The following KRT8 variants were observed in gnomAD, a reference collection of about 807,000 sequenced individuals.
The protein encoded by KRT8 is keratin, type II cytoskeletal 8.
KRT8 carries 24 observed loss-of-function variants against 43.0 expected under a neutral mutation model. The observed-to-expected ratio is 0.56, with a 90% confidence interval of 0.40 to 0.78. The LOEUF is 0.78. KRT8 is among the 30% of genes least tolerant of loss of function. KRT8 has a pLI of 0.00. For missense variants in KRT8, 492 were observed against 638.4 expected (o/e 0.77, Z 2.47); for synonymous variants, 214 against 261.2 (o/e 0.82, Z 1.74).
At chr12:52,918,006 G>A (rs1941779628) in intron 2 of KRT8, among the ~76,000 whole-genome samples, 1 of 119,328 alleles carries the variant, frequency 8.4e-6, no homozygotes, top group African/African-American at 3.2e-5. Context: ...GGAAGGAGAG[G>A]AAGAAGAAGG....
At chr12:52,924,651 A>ATTGTAAAGATAATTGTAAT (rs1244451717) in intron 2 of KRT8, among the ~76,000 whole-genome samples, 1 of 151,658 alleles carries the variant, frequency 6.6e-6, no homozygotes, top group South Asian at 2.1e-4. Context: ...TGTAAAGATA[A>ATTGTAAAGATAATTGTAAT]TTGTAAAGAT....
At chr12:52,904,573 TG>T (rs1443995738) in intron 1 of KRT8, 84 bp downstream of exon 1, 6 of 1,297,410 alleles carry the variant, frequency 4.6e-6, no homozygotes, top group East Asian at 2.3e-5. Context: ...GGACGCCAGC[TG>T]GGGGCTGGAG....
At chr12:52,926,440 C>A in intron 2 of KRT8, 1 of 1,535,326 alleles carries the variant, frequency 6.5e-7, no homozygotes. Context: ...CTCCAGCTCA[C>A]CCCATTCATT....
In KRT8 at chr12:52,898,678, C is replaced by T. The variant is rs199648626; in HGVS notation, c.1202+1G>A. On this transcript the variant is annotated splice_donor_variant, in intron 6 of 7. Transcript: ENST00000692008. LOFTEE classifies it high-confidence loss of function. ...GTCCGGTCAGAGGTACCCACACCCACCGGCTCTCCTCGCCCTCCAGCAGCT... is the reference window on the plus strand; with the variant it reads ...GTCCGGTCAGAGGTACCCACACCCATCGGCTCTCCTCGCCCTCCAGCAGCT... The T allele has an allele frequency of 3.5e-4, 571 of 1,614,100 alleles. No individual in the cohort carries two copies. Among genetic ancestry groups the T allele is most frequent in the Non-Finnish European group, 4.1e-4 (485 of 1,180,038 alleles).
At chr12:52,898,575 A>G in intron 6 of KRT8, 56 bp from the exon 7 acceptor site, 5 of 1,612,422 alleles carry the variant, frequency 3.1e-6, no homozygotes, top group Non-Finnish European at 4.2e-6. Flanking sequence ...TTGGCCCAGA[A>G]CAACAGGACC....
chr12:52,935,545 GGAAAA>G (rs1942156966), intron 2 of KRT8, among the ~76,000 whole-genome samples: 1 of 131,884 alleles, frequency 7.6e-6, no homozygotes, highest in Non-Finnish European at 1.7e-5. Flanking sequence ...AAAAAAAAAA[GGAAAA>G]GAAAAAGAAA....
chr12:52,905,220 G>A (rs1941487967), upstream of KRT8: 5 of 631,998 alleles, frequency 7.9e-6, no homozygotes, highest in African/African-American at 1.8e-5. Flanking sequence ...GAGAGCTGCC[G>A]CCACCCAAGG....
In KRT8 at chr12:52,922,499, C is replaced by T. The variant is rs1446711901; in HGVS notation, c.-46-17472G>A. On this transcript the variant is annotated intron_variant, in intron 2 of 6. Transcript: ENST00000546826. The stretch of plus-strand genomic sequence containing the variant: ...GCCAGCCTGGCCAACATGGCGAAAC[C>T]CCGTCTCTACTGAAAATACAAAAAT... Among the ~76,000 whole-genome samples the T allele has an allele frequency of 2.0e-5, 3 of 152,300 alleles. No homozygotes were observed. In the East Asian group the frequency reaches 5.8e-4, roughly 29 times the overall value.
At chr12:52,937,807 G>A (rs1476781876) in intron 2 of KRT8, among the ~76,000 whole-genome samples, 2 of 151,462 alleles carry the variant, frequency 1.3e-5, no homozygotes, top group Non-Finnish European at 2.9e-5. Flanking sequence ...GACCAGCCTG[G>A]CCAACATGGT....
At chr12:52,938,170 A>ATATATATATTTTTTTTT (rs1555189967) in intron 2 of KRT8, among the ~76,000 whole-genome samples, 1 of 30,308 alleles carries the variant, frequency 3.3e-5, no homozygotes, top group South Asian at 1.3e-3. Flanking sequence ...ATATATATAT[A>ATATATATATTTTTTTTT]TTTTTTTTTT....
upstream of KRT8, among the ~76,000 whole-genome samples, chr12:52,911,916 C>T (rs1941644113): frequency 6.6e-6 from 1 of 152,242 alleles, no homozygotes; most frequent in African/African-American, 2.4e-5. Flanking sequence ...GTAGTCTCAG[C>T]TACTCGGGAG....
intron 2 of KRT8, among the ~76,000 whole-genome samples, chr12:52,932,167 C>T (rs1304611132): frequency 1.3e-5 from 2 of 148,926 alleles, no homozygotes; most frequent in African/African-American, 5.0e-5. Flanking sequence ...GATCTCAGCT[C>T]ACTGCAACCT....
chr12:52,942,685 G>A (rs913024856), intron 2 of KRT8, among the ~76,000 whole-genome samples: 1 of 152,000 alleles, frequency 6.6e-6, no homozygotes, highest in Non-Finnish European at 1.5e-5. Context: ...CACCTCTCCT[G>A]CCTTCTCATC....
chr12:52,949,000 C>T (rs1942404144), intron 2 of KRT8: 2 of 563,638 alleles, frequency 3.5e-6, no homozygotes, highest in Admixed American at 3.7e-5. Context: ...GCGGAGCGGC[C>T]CGGGGCGGAG....
rs746702808 is a variant in KRT8, at chr12:52,898,443, G to A, written c.1261+18C>T. The A allele has an allele frequency of 6.2e-7, 1 of 1,611,488 alleles. No homozygotes were observed. The highest frequency in any genetic ancestry group is 2.2e-5 in the East Asian group (1 of 44,830). On this transcript the variant is annotated intron_variant, in intron 7 of 7. Transcript: ENST00000692008. The stretch of plus-strand genomic sequence containing the variant: ...GGCCCTGCCTCCCGCCCTCATCCCA[G>A]GGCCCTGGGACACCCACCTGCATAG...
chr12:52,943,205 C>T (rs2055036), intron 2 of KRT8, among the ~76,000 whole-genome samples: 71,605 of 151,916 alleles, frequency 0.47, 17,252 homozygotes, highest in Middle Eastern at 0.55. Flanking sequence ...TCCTGTCCGT[C>T]GCTGATAAAC....
At chr12:52,910,159 C>A (rs1240102483), upstream of KRT8, among the ~76,000 whole-genome samples, 1 of 152,154 alleles carries the variant, frequency 6.6e-6, no homozygotes, top group African/African-American at 2.4e-5. Flanking sequence ...GAAGCCTAGG[C>A]GGAAGGTCCC....
intron 2 of KRT8, among the ~76,000 whole-genome samples, chr12:52,926,004 C>A (rs1035025507): frequency 6.6e-5 from 10 of 152,104 alleles, no homozygotes; most frequent in African/African-American, 2.4e-4. Context: ...TTCAAGCTCC[C>A]TCCTAGCAGG....
intron 1 of KRT8, among the ~76,000 whole-genome samples, chr12:52,902,980 C>T (rs1369175058): frequency 6.6e-6 from 1 of 152,054 alleles, no homozygotes. Context: ...CCACTGCACT[C>T]CAGCCTGGGC....
Sources: allele counts gnomAD v4.1 joint callset (sites outside exome capture counted in the v4.1 genomes callset), GRCh38; gene constraint gnomAD v4.1.1; transcripts MANE v1.5; gene names NCBI Gene and HGNC (gene_info 2026-07-23, HGNC 2026-07-21).